Variants in FAM186B observed in about 807,000 individuals in gnomAD.
FAM186B encodes the protein family with sequence similarity 186 member B.
FAM186B carries 68 observed loss-of-function variants against 83.4 expected under a neutral mutation model. The ratio of observed to expected loss-of-function variants is 0.81; its 90% CI spans 0.67 to 1.00. The LOEUF is 1.00. FAM186B is among the 50% of genes least tolerant of loss of function. The pLI is 0.00. For missense variants in FAM186B, 983 were observed against 1,099.2 expected (o/e 0.89, Z 1.49); for synonymous variants, 389 against 422.0 (o/e 0.92, Z 0.96).
At position 49,599,830 on chromosome 12, in the gene FAM186B, C is replaced by T; in HGVS notation, c.1810G>A (p.Ala604Thr). Residue 604 changes from alanine to threonine, a missense_variant, in exon 4 of 7, where the codon GCC becomes ACC. By Grantham distance (58) the Ala-to-Thr change is moderately conservative (BLOSUM62 0). Transcript: ENST00000257894. ...CTCATAGGTCTCTGCTTTCCCAGGG[C>T]AGGCTGCTGGGTACTAGGAGACATG... is the stretch of plus-strand genomic sequence containing the variant. Reference protein sequence around the residue: ...LPMSPSTQQPALGKQRPMSSV... With the variant: ...LPMSPSTQQPTLGKQRPMSSV... The T allele has an allele frequency of 2.5e-6, 4 of 1,611,068 alleles. No homozygotes were observed. Among genetic ancestry groups the T allele is most frequent in the African/African-American group, 1.3e-5 (1 of 74,958 alleles).
chr12:49,616,068 C>T, the FAM186B span, among the ~76,000 whole-genome samples: 254 of 150,404 alleles, frequency 1.7e-3, no homozygotes, highest in Non-Finnish European at 3.1e-3. Flanking sequence ...CTTGCTCTGT[C>T]GCCCAACCTG....
At chr12:49,613,946 C>A in the FAM186B span, among the ~76,000 whole-genome samples, 1 of 151,742 alleles carries the variant, frequency 6.6e-6, no homozygotes, top group East Asian at 1.9e-4. Flanking sequence ...GTCAGGAGTT[C>A]AAGACCAGCC....
At position 49,587,660 on chromosome 12, in the gene FAM186B, C is replaced by T. The variant is rs758246506; in HGVS notation, c.2627G>A (p.Arg876Gln). ...IEKKTPASLPRDQLRGHPDIP... is the reference protein window; with the variant it reads ...IEKKTPASLPQDQLRGHPDIP... ...ATCTGGGTGTCCCCTCAGCTGGTCCCGGGGAAGGCTGGCAGGGGTCTTTTT... is the reference window on the plus strand; with the variant it reads ...ATCTGGGTGTCCCCTCAGCTGGTCCTGGGGAAGGCTGGCAGGGGTCTTTTT... The change falls in exon 7 of 7, where the codon CGG becomes CAG. Residue 876 changes from arginine (R) to glutamine (Q), a missense_variant. Coordinates refer to ENST00000257894, the MANE Select transcript of FAM186B (RefSeq NM_032130.3). 9 of 1,613,608 alleles carry T rather than the reference C, an allele frequency of 5.6e-6. 1 individual carries two copies. Among genetic ancestry groups the T allele is most frequent in the Middle Eastern group, 1.6e-4 (1 of 6,062 alleles).
chr12:49,592,516 G>A (rs1370836674), intron 5 of FAM186B, among the ~76,000 whole-genome samples: 1 of 152,098 alleles, frequency 6.6e-6, no homozygotes, highest in Non-Finnish European at 1.5e-5. Context: ...GGGCATGGTG[G>A]CTCAAGCCTG....
chr12:49,605,749 T>G, upstream of FAM186B: 1 of 266,114 alleles, frequency 3.8e-6, no homozygotes. Flanking sequence ...ACTTGACTTG[T>G]TGCCTTTTCT....
chr12:49,617,283 G>A, the FAM186B span, among the ~76,000 whole-genome samples: 1 of 152,160 alleles, frequency 6.6e-6, no homozygotes, highest in Non-Finnish European at 1.5e-5. Flanking sequence ...GGTGGCTCAC[G>A]CCTGTAATCC....
the FAM186B span, among the ~76,000 whole-genome samples, chr12:49,618,316 G>C: frequency 1.3e-5 from 2 of 151,570 alleles, no homozygotes; most frequent in East Asian, 1.9e-4. Flanking sequence ...CTGCACTCCA[G>C]CCTGGCGACA....
chr12:49,605,646 C>T, upstream of FAM186B: 1 of 600,164 alleles, frequency 1.7e-6, no homozygotes. Context: ...AACTGATCCT[C>T]TTTTCCCCAG....
At chr12:49,599,362 G>T in intron 4 of FAM186B, 107 bp downstream of exon 4, 1 of 1,412,106 alleles carries the variant, frequency 7.1e-7, no homozygotes, top group Non-Finnish European at 9.2e-7. Flanking sequence ...GCCTGGGGTG[G>T]CTCTCCCCAT....
At position 49,603,346 on chromosome 12, in the gene FAM186B, A is replaced by C; in HGVS notation, c.344T>G (p.Ile115Ser). The change falls in exon 3 of 7, where the codon ATT (isoleucine) becomes AGT (serine). Residue 115 changes from isoleucine (I) to serine (S), a missense_variant. Physicochemically the swap from Ile to Ser is moderately radical, Grantham distance 142. Coordinates refer to ENST00000257894, the MANE Select transcript of FAM186B (RefSeq NM_032130.3). ...GDWGDTLTYE[I>S]GPRKSEEEAA... is the part of the protein sequence containing the mutation. ...TTCCTCTTCACTCTTCCTGGGCCCAATCTCATAGGTCAGAGTGTCACCTGG... is the reference window on the plus strand; with the variant it reads ...TTCCTCTTCACTCTTCCTGGGCCCACTCTCATAGGTCAGAGTGTCACCTGG... 6.2e-7 allele frequency: 1 copy of C among 1,614,084 alleles called. No homozygotes were observed. The highest frequency in any genetic ancestry group is 1.1e-5 in the South Asian group (1 of 91,078).
the FAM186B span, among the ~76,000 whole-genome samples, chr12:49,614,346 T>C: frequency 1.3e-5 from 2 of 151,942 alleles, no homozygotes; most frequent in Non-Finnish European, 2.9e-5. Context: ...ACCAACAGTG[T>C]TTTGGATAAA....
upstream of FAM186B, chr12:49,605,659 A>T: frequency 1.8e-6 from 1 of 562,280 alleles, no homozygotes. Context: ...TTCCCCAGTG[A>T]CATCATCAGT....
intron 5 of FAM186B, 23 bp downstream of exon 5, chr12:49,598,732 G>T (rs754115685): frequency 2.6e-6 from 4 of 1,543,798 alleles, no homozygotes; most frequent in East Asian, 2.3e-5. Context: ...GGAGTGGCGG[G>T]GGGGTCAGGG....
the FAM186B span, among the ~76,000 whole-genome samples, chr12:49,613,797 C>T: frequency 6.6e-6 from 1 of 151,624 alleles, no homozygotes; most frequent in Non-Finnish European, 1.5e-5. Context: ...TGTGATCACA[C>T]CACTGCACTC....
At chr12:49,609,419 C>G (rs182125162), upstream of FAM186B, among the ~76,000 whole-genome samples, 1 of 152,338 alleles carries the variant, frequency 6.6e-6, no homozygotes, top group Non-Finnish European at 1.5e-5. Context: ...GGCAGATCTT[C>G]AGGAATTTGG....
the FAM186B span, among the ~76,000 whole-genome samples, chr12:49,615,456 GACAA>G: frequency 2.0e-5 from 3 of 152,142 alleles, no homozygotes; most frequent in Non-Finnish European, 4.4e-5. Flanking sequence ...TCAACAAGAA[GACAA>G]ACAACCCAAG....
At chr12:49,606,021 C>T (rs750016951), upstream of FAM186B, among the ~76,000 whole-genome samples, 9 of 151,986 alleles carry the variant, frequency 5.9e-5, no homozygotes, top group Non-Finnish European at 1.2e-4. Flanking sequence ...CTTAGCCTCC[C>T]AAAGTGCTGG....
rs1421309148 is a variant in FAM186B, at chr12:49,604,569, G to C, written c.97-31C>G. On this transcript the variant is annotated intron_variant, in intron 1 of 6. Transcript: ENST00000257894. Reference sequence around the variant, plus strand: ...GAGAAGCAGCAGATTGTAGTGTTAGGGCTGTGGACTTGAGCCAGAAGCCAC... The same window carrying C: ...GAGAAGCAGCAGATTGTAGTGTTAGCGCTGTGGACTTGAGCCAGAAGCCAC... 5 of 1,594,078 alleles carry C rather than the reference G, an allele frequency of 3.1e-6. No homozygotes were observed. In the African/African-American group the frequency reaches 5.4e-5, roughly 17 times the overall value.
Position 49,600,604 on chromosome 12 carries a change from T to A in FAM186B, c.1036A>T (p.Thr346Ser), listed in dbSNP as rs1223626646. 3 of 1,611,600 alleles carry A rather than the reference T, an allele frequency of 1.9e-6. No individual in the cohort carries two copies. Among genetic ancestry groups the A allele is most frequent in the African/African-American group, 2.7e-5 (2 of 74,894 alleles). Residue 346 changes from threonine (T) to serine (S), a missense_variant, in exon 4 of 7, where the codon ACC becomes TCC. Thr to Ser is a moderately conservative substitution (Grantham distance 58). Transcript: ENST00000257894. The surrounding 1 kb of genome is among the most constrained non-coding windows in gnomAD (Gnocchi z 4.3). ...ATGACTGTTTCTTTCCTTGGGAGGG[T>A]CTCTCTCTCAGAGGGACCTGGGGAG... ...VDSPGPSERE[T>S]LPRKETVMEE...
Sources: gnomAD v4.1 joint callset for allele counts (sites outside exome capture counted in the v4.1 genomes callset) on GRCh38, gnomAD v4.1.1 for gene constraint, Gnocchi (gnomAD v3.1) non-coding constraint, MANE v1.5 for transcripts, NCBI Gene and HGNC (gene_info 2026-07-23, HGNC 2026-07-21) for gene names.